Variants in ATAD1 observed in about 807,000 individuals in gnomAD.
ATAD1 encodes ATPase family AAA domain containing 1.
ATAD1 carries 18 observed loss-of-function variants against 42.7 expected under a neutral mutation model. That is an observed-to-expected ratio of 0.42 (90% CI 0.29 to 0.63). The LOEUF is 0.63. Ranked by LOEUF, ATAD1 falls within the 20% of genes least tolerant of loss-of-function variation. ATAD1 has a pLI of 0.19. For missense variants in ATAD1, 294 were observed against 440.4 expected (o/e 0.67, Z 2.98); for synonymous variants, 132 against 143.1 (o/e 0.92, Z 0.55).
At chr10:87,783,680 A>ACAAAC in intron 5 of ATAD1, among the ~76,000 whole-genome samples, 1 of 151,688 alleles carries the variant, frequency 6.6e-6, no homozygotes, top group Non-Finnish European at 1.5e-5. Flanking sequence ...CGTACCAGGA[A>ACAAAC]CAGAACAAAA....
At chr10:87,771,992 T>C (rs370961547) in intron 6 of ATAD1, among the ~76,000 whole-genome samples, 4 of 152,224 alleles carry the variant, frequency 2.6e-5, no homozygotes, top group African/African-American at 9.6e-5. Flanking sequence ...CCAAATCTTA[T>C]ATCCTACTTC....
chr10:87,754,912 T>G, intron 9 of ATAD1, 105 bp from the exon 10 acceptor site: 1 of 1,400,410 alleles, frequency 7.1e-7, no homozygotes, highest in Non-Finnish European at 9.4e-7. Flanking sequence ...AAAAAAAAAT[T>G]TTGTTTTCAA....
intron 4 of ATAD1, 149 bp downstream of exon 4, chr10:87,790,161 G>T: frequency 1.2e-6 from 1 of 821,696 alleles, no homozygotes; most frequent in Non-Finnish European, 1.8e-6. Context: ...AGAAGCTGAA[G>T]AATGAGCAAT....
chr10:87,799,771 T>C (rs1160801710), intron 2 of ATAD1, among the ~76,000 whole-genome samples: 1 of 146,124 alleles, frequency 6.8e-6, no homozygotes, highest in Non-Finnish European at 1.5e-5. Context: ...ATAAAATATA[T>C]TGTAGAAAAA....
chr10:87,820,677 C>T (rs1276759411), upstream of ATAD1, among the ~76,000 whole-genome samples: 7 of 152,200 alleles, frequency 4.6e-5, no homozygotes, highest in Non-Finnish European at 1.0e-4. Context: ...TGCTACACCT[C>T]ACTCCCTTTC....
chr10:87,837,418 T>C (rs186468022), intron 1 of ATAD1, among the ~76,000 whole-genome samples: 117 of 152,346 alleles, frequency 7.7e-4, no homozygotes, highest in African/African-American at 2.6e-3. Context: ...GGATCTATCC[T>C]CTATGTGTAC....
intron 7 of ATAD1, among the ~76,000 whole-genome samples, chr10:87,769,163 A>G (rs1854910882): frequency 6.6e-6 from 1 of 152,250 alleles, no homozygotes; most frequent in South Asian, 2.1e-4. Flanking sequence ...CTTCAGAACC[A>G]ATTAGGTAAA....
rs559022412 is a variant in ATAD1, at chr10:87,752,080, C to T, written c.*2607G>A. ...CAGAATAGAGTACCCCAACCCAGCT[C>T]TTAATGAATGCTGGGTTTACCTGCA... On this transcript the variant is annotated 3_prime_UTR_variant, in exon 10 of 10. Transcript: ENST00000680024. 1.6e-4 allele frequency: 24 copies of T among 152,210 alleles called. No individual in the cohort carries two copies. Among genetic ancestry groups the T allele is most frequent in the African/African-American group, 5.3e-4 (22 of 41,530 alleles). The allele number at this position is 152,210 out of a possible 1,614,324, so 9.4% of individuals were successfully genotyped here. A position where few individuals can be genotyped will look rare whatever the true frequency, so the allele number is the denominator to read the frequency against.
At position 87,816,659 on chromosome 10, in the gene ATAD1, A is replaced by G. The variant is rs568615810; in HGVS notation, c.-14+1508T>C. On this transcript the variant is annotated intron_variant, in intron 1 of 9. Coordinates refer to ENST00000680024, the MANE Select transcript of ATAD1 (RefSeq NM_001321967.2). Reference sequence around the variant, plus strand: ...AAACCAAAGTGTGCTATCTTCCATCAGCATGGATTCCAAAAAAAACGGGTT... The same window carrying G: ...AAACCAAAGTGTGCTATCTTCCATCGGCATGGATTCCAAAAAAAACGGGTT... 2.6e-5 allele frequency among the ~76,000 whole-genome samples: 4 copies of G among 152,324 alleles called. No homozygotes were observed. The South Asian group carries it at 8.3e-4, about 32-fold the overall frequency.
intron 1 of ATAD1, among the ~76,000 whole-genome samples, chr10:87,815,549 G>T (rs1171741011): frequency 6.6e-6 from 1 of 151,416 alleles, no homozygotes; most frequent in East Asian, 1.9e-4. Context: ...ACATAAACAT[G>T]AAAAAAAACA....
In ATAD1 at chr10:87,753,988, A is replaced by G. The variant is rs1854114707; in HGVS notation, c.*699T>C. ...GCTGCCTAACAACCATTCAATGCTG[A>G]TCACTGAACTAGTATTTTCATTTGA... On this transcript the variant is annotated 3_prime_UTR_variant, in exon 10 of 10. Coordinates refer to ENST00000680024, the MANE Select transcript of ATAD1 (RefSeq NM_001321967.2). The G allele has an allele frequency of 6.6e-6, 1 of 152,250 alleles. No homozygotes were observed. The highest frequency in any genetic ancestry group is 1.5e-5 in the Non-Finnish European group (1 of 68,026). The allele number at this position is 152,250 out of a possible 1,614,324, so 9.4% of individuals were successfully genotyped here.
chr10:87,817,692 G>C (rs1319603822), intron 1 of ATAD1: 1 of 978,758 alleles, frequency 1.0e-6, no homozygotes, highest in Non-Finnish European at 1.2e-6. Flanking sequence ...AAAGAGGGCA[G>C]GTTATTATTA....
intron 2 of ATAD1, among the ~76,000 whole-genome samples, chr10:87,803,439 CAA>C (rs1430595154): frequency 6.6e-6 from 1 of 152,192 alleles, no homozygotes; most frequent in East Asian, 1.9e-4. Context: ...CCATTCTATT[CAA>C]AGTCACCCCT....
chr10:87,819,282 AAAAAAAAAAC>A (rs1198368926), upstream of ATAD1: 3 of 150,450 alleles, frequency 2.0e-5, no homozygotes, highest in African/African-American at 7.4e-5. Context: ...AAAAAAAAAA[AAAAAAAAAAC>A]CACCTAAAAA....
At position 87,753,552 on chromosome 10, in the gene ATAD1, C is replaced by T. The variant is rs147644864; in HGVS notation, c.*1135G>A. 3 of 152,556 alleles carry T rather than the reference C, an allele frequency of 2.0e-5. No individual in the cohort carries two copies. The highest frequency in any genetic ancestry group is 2.1e-4 in the South Asian group (1 of 4,818). 9.5% of individuals were successfully genotyped at this position (152,556 alleles called of 1,614,324 possible). A position where few individuals can be genotyped will look rare whatever the true frequency, so the allele number is the denominator to read the frequency against. On this transcript the variant is annotated 3_prime_UTR_variant, in exon 10 of 10. Transcript: ENST00000680024. ...TTGAAAAAAATTCACATATAATTCA[C>T]ATTAAACGACTACAGATAGATACAA... is the stretch of plus-strand genomic sequence containing the variant.
At chr10:87,790,570 C>T (rs1856049362) in intron 3 of ATAD1, 140 bp from the exon 4 acceptor site, 7 of 884,482 alleles carry the variant, frequency 7.9e-6, no homozygotes, top group Non-Finnish European at 1.1e-5. Flanking sequence ...TAAGTAAAGA[C>T]TTTTCCAAGC....
chr10:87,799,769 T>C (rs1274437858), intron 2 of ATAD1, among the ~76,000 whole-genome samples: 1 of 148,054 alleles, frequency 6.8e-6, no homozygotes, highest in East Asian at 1.9e-4. Flanking sequence ...CAATAAAATA[T>C]ATTGTAGAAA....
intron 2 of ATAD1, among the ~76,000 whole-genome samples, chr10:87,795,465 G>GTGT (rs374892502): frequency 7.0e-6 from 1 of 143,618 alleles, no homozygotes; most frequent in African/African-American, 2.6e-5. Flanking sequence ...TGGTTTGCTT[G>GTGT]TTTTTTTTTT....
rs369512648 is a variant in ATAD1 at position 87,776,314 on chromosome 10, C to A, written c.690+7G>T. The A allele has an allele frequency of 2.5e-4, 393 of 1,603,138 alleles. No homozygotes were observed. The highest frequency in any genetic ancestry group is 3.2e-4 in the Non-Finnish European group (375 of 1,174,374). The stretch of plus-strand genomic sequence containing the variant: ...ACACAAGTTGAGGGCAGATTTTATT[C>A]AAATACCTGGCAGCTGTGATCAGTA... On this transcript the variant is annotated splice_region_variant and intron_variant, in intron 6 of 9. Transcript: ENST00000680024.
Sources: gnomAD v4.1 joint callset for allele counts (sites outside exome capture counted in the v4.1 genomes callset) on GRCh38, gnomAD v4.1.1 for gene constraint, MANE v1.5 for transcripts, NCBI Gene and HGNC (gene_info 2026-07-23, HGNC 2026-07-21) for gene names.